The following SERGEF variants were observed in gnomAD, a reference collection of about 807,000 sequenced individuals.
The protein encoded by SERGEF is secretion-regulating guanine nucleotide exchange factor.
SERGEF carries 51 observed loss-of-function variants against 50.0 expected under a neutral mutation model. That is an observed-to-expected ratio of 1.02 (90% CI 0.81 to 1.29). SERGEF has a LOEUF of 1.29. Among genes scored for constraint, SERGEF ranks in the 50% most tolerant of loss-of-function variants. The probability of loss-of-function intolerance (pLI) is 0.00; values close to 1 mark genes in which losing one functional copy is unlikely to be tolerated. For synonymous variants in SERGEF, 205 were observed against 212.4 expected, an observed-to-expected ratio of 0.97 and a Z score of 0.30; for missense variants, 521 against 557.0, an observed-to-expected ratio of 0.94 and a Z score of 0.65.
intron 9 of SERGEF, among the ~76,000 whole-genome samples, chr11:17,897,954 T>G (rs1851678511): frequency 6.6e-6 from 1 of 152,242 alleles, no homozygotes. Flanking sequence ...AAGCACAATT[T>G]GAAACCTTAA....
At chr11:17,919,027 G>A (rs1286470739) in intron 9 of SERGEF, among the ~76,000 whole-genome samples, 1 of 152,164 alleles carries the variant, frequency 6.6e-6, no homozygotes, top group African/African-American at 2.4e-5. Context: ...ATAGAGAGCT[G>A]CTGCATATTA....
intron 9 of SERGEF, among the ~76,000 whole-genome samples, chr11:17,893,586 G>A (rs898368063): frequency 2.6e-5 from 4 of 152,112 alleles, no homozygotes; most frequent in Non-Finnish European, 5.9e-5. Context: ...TTTTCAGAGA[G>A]GCTCCCCTAC....
At position 17,830,646 on chromosome 11, in the gene SERGEF, GA is replaced by G. The variant is rs1321863457; in HGVS notation, c.1049-42234del. 1.7e-3 allele frequency among the ~76,000 whole-genome samples: 134 copies of G among 77,440 alleles called. 2 individuals are homozygous for G. The highest frequency in any genetic ancestry group is 8.7e-3 in the African/African-American group (123 of 14,108). The allele number at this position is 77,440 out of a possible 152,430, so 50.8% of individuals were successfully genotyped here. A position where few individuals can be genotyped will look rare whatever the true frequency, so the allele number is the denominator to read the frequency against. ...AGAGAGGGAAAGGGGGAGGGAGAGG[GA>G]GGGAGAGAGAGAGAGAGAGAGAGAG... On this transcript the variant is annotated intron_variant, in intron 10 of 10. Transcript: ENST00000265965.
intron 9 of SERGEF, among the ~76,000 whole-genome samples, chr11:17,896,407 G>A (rs528438895): frequency 1.3e-5 from 2 of 152,076 alleles, no homozygotes; most frequent in Admixed American, 6.6e-5. Flanking sequence ...CAGTTCATAG[G>A]TGGCATAGCT....
intron 10 of SERGEF, among the ~76,000 whole-genome samples, chr11:17,865,527 T>C (rs1851005730): frequency 6.6e-6 from 1 of 152,046 alleles, no homozygotes; most frequent in African/African-American, 2.4e-5. Context: ...AGACAAGATG[T>C]GGAGGTGAAA....
chr11:17,791,614 G>T (rs955856910), intron 10 of SERGEF, among the ~76,000 whole-genome samples: 26 of 152,174 alleles, frequency 1.7e-4, no homozygotes, highest in African/African-American at 6.0e-4. Context: ...TAGTACAGAA[G>T]AGTTTAGAAC....
At chr11:17,889,733 A>G (rs1565195955) in intron 9 of SERGEF, among the ~76,000 whole-genome samples, 1 of 152,228 alleles carries the variant, frequency 6.6e-6, no homozygotes, top group Non-Finnish European at 1.5e-5. Context: ...GAGAGAGGAC[A>G]CAAATGTGGC....
chr11:17,861,299 C>T (rs1850922132), intron 10 of SERGEF, among the ~76,000 whole-genome samples: 1 of 152,228 alleles, frequency 6.6e-6, no homozygotes, highest in African/African-American at 2.4e-5. Context: ...ATGATACACA[C>T]ATACAGAAGC....
intron 9 of SERGEF, among the ~76,000 whole-genome samples, chr11:17,881,872 G>A (rs981773562): frequency 2.0e-5 from 3 of 152,106 alleles, no homozygotes; most frequent in Admixed American, 6.5e-5. Context: ...ACCTTCACAG[G>A]ATCCCAGTGT....
At chr11:17,838,057 C>A (rs904281368) in intron 10 of SERGEF, among the ~76,000 whole-genome samples, 2 of 152,218 alleles carry the variant, frequency 1.3e-5, no homozygotes, top group African/African-American at 4.8e-5. Context: ...AGGGCATGCA[C>A]AACACTAGAA....
At chr11:17,880,360 T>A (rs572840069) in intron 9 of SERGEF, among the ~76,000 whole-genome samples, 1 of 152,342 alleles carries the variant, frequency 6.6e-6, no homozygotes, top group East Asian at 1.9e-4. Context: ...GATATTTCGA[T>A]TGAAGAACTG....
At chr11:17,990,623 C>T (rs1853693221) in intron 7 of SERGEF, among the ~76,000 whole-genome samples, 1 of 152,224 alleles carries the variant, frequency 6.6e-6, no homozygotes, top group Non-Finnish European at 1.5e-5. Context: ...GATCATTATG[C>T]TGTTGCCTCA....
chr11:17,992,212 T>C (rs1325816629), intron 7 of SERGEF, among the ~76,000 whole-genome samples: 1 of 151,942 alleles, frequency 6.6e-6, no homozygotes, highest in Non-Finnish European at 1.5e-5. Context: ...GTAGATAAAT[T>C]AGAGAAACAT....
chr11:17,845,556 C>T (rs1850592002), intron 10 of SERGEF, among the ~76,000 whole-genome samples: 1 of 152,204 alleles, frequency 6.6e-6, no homozygotes, highest in African/African-American at 2.4e-5. Context: ...AAGACACACC[C>T]TTCTTTTAGC....
chr11:17,972,936 T>G (rs916632593), intron 8 of SERGEF, among the ~76,000 whole-genome samples: 5 of 152,042 alleles, frequency 3.3e-5, no homozygotes, highest in African/African-American at 1.2e-4. Context: ...TCCCTAATTC[T>G]GTACATCACC....
chr11:17,815,436 T>A (rs866208570), intron 10 of SERGEF, among the ~76,000 whole-genome samples: 38 of 108,332 alleles, frequency 3.5e-4, no homozygotes, highest in Admixed American at 5.0e-4. Flanking sequence ...CCATCTCTAC[T>A]AAAAAAAAAA....
intron 8 of SERGEF, among the ~76,000 whole-genome samples, chr11:17,983,558 C>T (rs1853533062): frequency 1.3e-5 from 2 of 152,102 alleles, no homozygotes; most frequent in Admixed American, 6.5e-5. Context: ...GTTATTTCCC[C>T]ACTTTCCTAA....
rs73426276 is a variant in SERGEF, at chr11:17,897,537, C to A, written c.1012-19293G>T. Among the ~76,000 whole-genome samples the A allele has an allele frequency of 7.4e-3, 1,123 of 152,254 alleles. 9 individuals are homozygous for A. The highest frequency in any genetic ancestry group is 0.022 in the African/African-American group (899 of 41,540). On this transcript the variant is annotated intron_variant, in intron 9 of 10. Coordinates refer to ENST00000265965, the MANE Select transcript of SERGEF (RefSeq NM_012139.4). ...CATAGTACAACCATATAATGGAATA[C>A]CACTAATCAATACAAAAGCAACAGT...
In SERGEF at chr11:17,932,745, T is replaced by C. The variant is rs923109752; in HGVS notation, c.1011+26725A>G. On this transcript the variant is annotated intron_variant, in intron 9 of 10. Transcript: ENST00000265965. The stretch of plus-strand genomic sequence containing the variant: ...TTATCTTTTCTTGTTTGTCATTGCA[T>C]TGGGGTGGGAATAGAGATGCGGAAC... Among the ~76,000 whole-genome samples the C allele has an allele frequency of 3.9e-5, 6 of 152,188 alleles. No homozygotes were observed. In the East Asian group the frequency reaches 5.8e-4, roughly 15 times the overall value.
Sources: gnomAD v4.1 joint callset for allele counts (sites outside exome capture counted in the v4.1 genomes callset) on GRCh38, gnomAD v4.1.1 for gene constraint, MANE v1.5 for transcripts, NCBI Gene and HGNC (gene_info 2026-07-23, HGNC 2026-07-21) for gene names.